Variants in GPC5 observed in about 807,000 individuals in gnomAD.
GPC5 encodes the protein glypican 5, also known as glypican-5.
GPC5 carries 47 observed loss-of-function variants against 53.9 expected under a neutral mutation model. That is an observed-to-expected ratio of 0.87 (90% CI 0.69 to 1.11). The LOEUF (loss-of-function observed/expected upper bound fraction) is 1.11. GPC5 is among the 50% of genes most tolerant of loss of function. The pLI, the probability that GPC5 is intolerant of heterozygous loss-of-function variation, is 0.00. For missense variants in GPC5, 748 were observed against 713.1 expected (o/e 1.05, Z -0.56); for synonymous variants, 286 against 263.3 (o/e 1.09, Z -0.84).
rs1883885630 is a variant in GPC5, at chr13:91,490,564, C to A, written c.325+41642C>A. On this transcript the variant is annotated intron_variant, in intron 2 of 7. Coordinates refer to ENST00000377067, the MANE Select transcript of GPC5 (RefSeq NM_004466.6). ...GGTGAGTATTAGTTAAGCAATATGG[C>A]AAGCTAATGATAAATAAATATTCAT... Among the ~76,000 whole-genome samples the A allele has an allele frequency of 2.6e-5, 4 of 152,250 alleles. No individual in the cohort carries two copies. The South Asian group carries it at 8.3e-4, about 32-fold the overall frequency.
At chr13:92,291,153 C>T (rs534785364) in intron 7 of GPC5, among the ~76,000 whole-genome samples, 11 of 152,246 alleles carry the variant, frequency 7.2e-5, no homozygotes, top group South Asian at 2.1e-4. Flanking sequence ...CCTGTGCGGC[C>T]GGAGCCTCCC....
At chr13:91,411,450 C>T (rs1877784278) in intron 1 of GPC5, among the ~76,000 whole-genome samples, 1 of 152,192 alleles carries the variant, frequency 6.6e-6, no homozygotes, top group Admixed American at 6.5e-5. Flanking sequence ...CTCCACCCTA[C>T]CCTTTGTTCC....
chr13:92,801,173 G>C (rs190264030), intron 7 of GPC5, among the ~76,000 whole-genome samples: 122 of 151,568 alleles, frequency 8.0e-4, no homozygotes, highest in Admixed American at 3.0e-3. Context: ...ATGACTATGT[G>C]AACACATGTG....
At chr13:91,516,022 GC>G (rs1013592319) in intron 2 of GPC5, among the ~76,000 whole-genome samples, 1 of 151,964 alleles carries the variant, frequency 6.6e-6, no homozygotes, top group Non-Finnish European at 1.5e-5. Context: ...GGAAAGACTG[GC>G]CCCCCATGAT....
intron 7 of GPC5, among the ~76,000 whole-genome samples, chr13:92,679,636 C>G (rs1887053606): frequency 6.7e-6 from 1 of 148,370 alleles, no homozygotes; most frequent in Non-Finnish European, 1.5e-5. Context: ...CTTAATAGTT[C>G]TCAAGGGCTC....
At chr13:91,655,148 G>A (rs1012191366) in intron 2 of GPC5, among the ~76,000 whole-genome samples, 17 of 152,246 alleles carry the variant, frequency 1.1e-4, no homozygotes, top group African/African-American at 3.8e-4. Flanking sequence ...GATTATTTCA[G>A]ATTGTGTATG....
chr13:91,807,961 G>T (rs1389144937), intron 5 of GPC5, among the ~76,000 whole-genome samples: 3 of 152,090 alleles, frequency 2.0e-5, no homozygotes, highest in Non-Finnish European at 2.9e-5. Flanking sequence ...GAATTTCTTG[G>T]AGGCAACTGT....
rs71113772 is a variant in GPC5 at position 91,856,962 on chromosome 13, C to CTT, written c.1281-50966_1281-50965dup. On this transcript the variant is annotated intron_variant, in intron 5 of 7. Transcript: ENST00000377067. ...TTATGATATAGGGCTTAAGCTTTTTCTTTTTTTTTTGACTTATGAAGTGAT... is the reference window on the plus strand; with the variant it reads ...TTATGATATAGGGCTTAAGCTTTTTCTTTTTTTTTTTTGACTTATGAAGTGAT... 8.3e-3 allele frequency among the ~76,000 whole-genome samples: 1,221 copies of CTT among 146,396 alleles called. 5 individuals are homozygous for CTT. The highest frequency in any genetic ancestry group is 0.02 in the South Asian group (93 of 4,700).
intron 7 of GPC5, among the ~76,000 whole-genome samples, chr13:92,438,663 A>T (rs1877423550): frequency 6.6e-6 from 1 of 152,112 alleles, no homozygotes; most frequent in Non-Finnish European, 1.5e-5. Context: ...AGGCCATTAG[A>T]CATAATCCAA....
chr13:92,631,822 T>C (rs1438864153), intron 7 of GPC5, among the ~76,000 whole-genome samples: 2 of 152,194 alleles, frequency 1.3e-5, no homozygotes, highest in South Asian at 2.1e-4. Flanking sequence ...AAAGCACAGG[T>C]GCACAAAACA....
intron 7 of GPC5, among the ~76,000 whole-genome samples, chr13:92,515,497 G>A (rs1344087947): frequency 6.6e-6 from 1 of 152,152 alleles, no homozygotes; most frequent in African/African-American, 2.4e-5. Flanking sequence ...GCTTGGGAAG[G>A]TGGCATTTTT....
chr13:92,077,015 C>T (rs2041257453), intron 6 of GPC5, among the ~76,000 whole-genome samples: 1 of 152,124 alleles, frequency 6.6e-6, no homozygotes, highest in African/African-American at 2.4e-5. Flanking sequence ...CCTTTGATCC[C>T]AGGTCTTCAG....
intron 6 of GPC5, among the ~76,000 whole-genome samples, chr13:92,076,069 G>T (rs1241459389): frequency 7.8e-6 from 1 of 128,916 alleles, no homozygotes; most frequent in Non-Finnish European, 1.6e-5. Context: ...GGAAAGTTTC[G>T]AAAGTATAAT....
chr13:92,284,857 C>T (rs181345328), intron 7 of GPC5, among the ~76,000 whole-genome samples: 9 of 152,234 alleles, frequency 5.9e-5, no homozygotes, highest in South Asian at 2.1e-4. Flanking sequence ...TCTCTCACCA[C>T]GCCTATTCAA....
intron 7 of GPC5, among the ~76,000 whole-genome samples, chr13:92,266,875 A>C (rs2139149418): frequency 7.2e-6 from 1 of 139,340 alleles, no homozygotes; most frequent in Middle Eastern, 3.8e-3. Context: ...ACATAGAAAG[A>C]AAAACACAAT....
chr13:92,792,458 C>T (rs202169200), intron 7 of GPC5, among the ~76,000 whole-genome samples: 1 of 152,024 alleles, frequency 6.6e-6, no homozygotes, highest in African/African-American at 2.4e-5. Context: ...TAAAGACCAT[C>T]GATGCTACAA....
At chr13:91,424,893 G>T (rs945465990) in intron 1 of GPC5, among the ~76,000 whole-genome samples, 1 of 152,116 alleles carries the variant, frequency 6.6e-6, no homozygotes, top group Non-Finnish European at 1.5e-5. Context: ...GACAAGCAAA[G>T]GTACTAATTA....
chr13:92,194,386 C>T (rs1454542760), intron 7 of GPC5, among the ~76,000 whole-genome samples: 5 of 152,088 alleles, frequency 3.3e-5, no homozygotes, highest in South Asian at 2.1e-4. Context: ...ATCCTAATAC[C>T]GTCACTGTGG....
At chr13:92,452,930 A>G (rs1878123974) in intron 7 of GPC5, among the ~76,000 whole-genome samples, 1 of 152,164 alleles carries the variant, frequency 6.6e-6, no homozygotes, top group Non-Finnish European at 1.5e-5. Flanking sequence ...AGCTACTGCA[A>G]TTACTTGCCG....
Sources: allele counts gnomAD v4.1 joint callset (sites outside exome capture counted in the v4.1 genomes callset), GRCh38; gene constraint gnomAD v4.1.1; transcripts MANE v1.5; gene names NCBI Gene and HGNC (gene_info 2026-07-23, HGNC 2026-07-21).